The following MRPL42 variants were observed in gnomAD, a reference collection of about 807,000 sequenced individuals.
The protein encoded by MRPL42 is mitochondrial ribosomal protein L42, also known as large ribosomal subunit protein mL42.
A neutral mutation model predicts 17.9 loss-of-function variants in MRPL42; 17 were observed. That is an observed-to-expected ratio of 0.95 (90% CI 0.65 to 1.42). MRPL42 has a LOEUF of 1.42. Ranked by LOEUF, MRPL42 falls within the 40% of genes most tolerant of loss-of-function variation. The pLI is 0.00. For synonymous variants in MRPL42, 59 were observed against 54.4 expected (o/e 1.08, Z -0.37); for missense variants, 177 against 175.2 (o/e 1.01, Z -0.06).
chr12:93,498,164 T>G, intron 5 of MRPL42, among the ~76,000 whole-genome samples: 1 of 11,790 alleles, frequency 8.5e-5, no homozygotes, highest in Non-Finnish European at 1.7e-4. Flanking sequence ...TCCATGAAAG[T>G]CGGGATTTTT....
intron 4 of MRPL42, among the ~76,000 whole-genome samples, chr12:93,484,973 C>T (rs201297390): frequency 0.24 from 5,789 of 23,664 alleles, 1,512 homozygotes; most frequent in Middle Eastern, 0.44. Flanking sequence ...CACACACACA[C>T]ACACACATAT....
rs1592796185 is a variant in MRPL42, at chr12:93,514,923, A to T, written c.*13702A>T. 1 of 152,116 alleles carries T rather than the reference A, an allele frequency of 6.6e-6. No homozygotes were observed. Among genetic ancestry groups the T allele is most frequent in the East Asian group, 1.9e-4 (1 of 5,198 alleles). The allele number at this position is 152,116 out of a possible 1,614,324, so 9.4% of individuals were successfully genotyped here. ...TAATGCATTACATTTTTTAGCAGTC[A>T]TGTCATCCTCTTGATTTGCATTGAG... On this transcript the variant is annotated 3_prime_UTR_variant, in exon 6 of 6. Transcript: ENST00000549982.
chr12:93,476,133 TCAC>T (rs1880161270), intron 2 of MRPL42, among the ~76,000 whole-genome samples: 1 of 152,148 alleles, frequency 6.6e-6, no homozygotes, highest in Admixed American at 6.6e-5. Flanking sequence ...TTTCATCACT[TCAC>T]CACCACCACC....
intron 3 of MRPL42, among the ~76,000 whole-genome samples, chr12:93,478,411 G>A (rs1880285773): frequency 6.6e-6 from 1 of 151,288 alleles, no homozygotes; most frequent in Admixed American, 6.6e-5. Context: ...ACCACACCTG[G>A]CTAATTTTTT....
chr12:93,509,875 C>G lies in MRPL42; in HGVS notation c.*8654C>G, dbSNP rs961749439. The G allele has an allele frequency of 1.3e-5, 2 of 152,132 alleles. No individual in the cohort carries two copies. The highest frequency in any genetic ancestry group is 2.9e-5 in the Non-Finnish European group (2 of 68,030). The allele number at this position is 152,132 out of a possible 1,614,324, so 9.4% of individuals were successfully genotyped here. A position where few individuals can be genotyped will look rare whatever the true frequency, so the allele number is the denominator to read the frequency against. Reference sequence around the variant, plus strand: ...TATATATCCTCAGTGCTCCCCTCCCCCATGCCTCCCTCATCACCATCCCCC... The same window carrying G: ...TATATATCCTCAGTGCTCCCCTCCCGCATGCCTCCCTCATCACCATCCCCC... On this transcript the variant is annotated 3_prime_UTR_variant, in exon 6 of 6. Transcript: ENST00000549982.
intron 4 of MRPL42, among the ~76,000 whole-genome samples, chr12:93,481,355 A>G (rs1395902886): frequency 6.6e-6 from 1 of 152,076 alleles, no homozygotes; most frequent in Non-Finnish European, 1.5e-5. Context: ...ATACTCTTTT[A>G]CCACTGGGTC....
intron 2 of MRPL42, chr12:93,470,541 T>C: frequency 7.7e-7 from 1 of 1,295,002 alleles, no homozygotes; most frequent in East Asian, 5.6e-5. Flanking sequence ...TACTGAGGTT[T>C]GGGCTTCAAC....
intron 5 of MRPL42, among the ~76,000 whole-genome samples, chr12:93,491,747 G>C (rs186059945): frequency 6.6e-6 from 1 of 152,166 alleles, no homozygotes; most frequent in African/African-American, 2.4e-5. Flanking sequence ...CCAATAGGTA[G>C]TTCTTCAGCT....
rs945127290 is a variant in MRPL42 at position 93,467,539 on chromosome 12, G to T, written c.-110G>T. On this transcript the variant is annotated 5_prime_UTR_variant, in exon 1 of 6. Transcript: ENST00000549982. ...ATTGAAACAAGATGGCGGGTTCGTG[G>T]TGAGAAGCCGTCAAGGTAACCGCTT... 2 of 152,820 alleles carry T rather than the reference G, an allele frequency of 1.3e-5. No homozygotes were observed. Among genetic ancestry groups the T allele is most frequent in the Non-Finnish European group, 2.9e-5 (2 of 68,076 alleles). 9.5% of individuals were successfully genotyped at this position (152,820 alleles called of 1,614,324 possible).
At chr12:93,478,368 C>T (rs1473313956) in intron 3 of MRPL42, among the ~76,000 whole-genome samples, 1 of 152,098 alleles carries the variant, frequency 6.6e-6, no homozygotes, top group Non-Finnish European at 1.5e-5. Flanking sequence ...CTGCCTCAGT[C>T]TGCCCAAGTA....
intron 4 of MRPL42, among the ~76,000 whole-genome samples, chr12:93,480,335 G>C (rs1389199397): frequency 6.6e-6 from 1 of 151,952 alleles, no homozygotes; most frequent in Non-Finnish European, 1.5e-5. Flanking sequence ...TGCCCAGGCT[G>C]ATCTCGAACT....
chr12:93,481,949 T>G (rs1592773555), intron 4 of MRPL42, among the ~76,000 whole-genome samples: 1 of 152,208 alleles, frequency 6.6e-6, no homozygotes, highest in South Asian at 2.1e-4. Context: ...TCATCATTCC[T>G]CTGTACACAT....
intron 5 of MRPL42, among the ~76,000 whole-genome samples, chr12:93,490,331 T>A (rs1390805456): frequency 6.6e-6 from 1 of 152,208 alleles, no homozygotes; most frequent in African/African-American, 2.4e-5. Context: ...TCTCCTGATA[T>A]TTTTTCCCAT....
intron 2 of MRPL42, 103 bp from the exon 3 acceptor site, chr12:93,476,851 A>T: frequency 9.3e-7 from 1 of 1,080,042 alleles, no homozygotes; most frequent in South Asian, 1.3e-5. Context: ...CCTGTTTCAT[A>T]CTAAACAGTA....
intron 2 of MRPL42, chr12:93,470,698 A>G (rs1552861): frequency 0.52 from 212,781 of 408,854 alleles, 55,775 homozygotes; most frequent in Non-Finnish European, 0.54. Context: ...TCCTACTTGT[A>G]AGTTAGAACA....
chr12:93,468,072 C>CA (rs1879724414), intron 1 of MRPL42, among the ~76,000 whole-genome samples: 1 of 152,152 alleles, frequency 6.6e-6, no homozygotes. Context: ...ATATACTGAG[C>CA]AAGTAATCGA....
chr12:93,505,359 G>C lies in MRPL42; in HGVS notation c.*4138G>C, dbSNP rs891675655. On this transcript the variant is annotated 3_prime_UTR_variant, in exon 6 of 6. Coordinates refer to ENST00000549982, the MANE Select transcript of MRPL42 (RefSeq NM_014050.4). ...AAGAATACTTTTTCAGTTTCAATGT[G>C]TATTTTTAAAATTTCCAGAAGATGA... 4 of 152,074 alleles carry C rather than the reference G, an allele frequency of 2.6e-5. No individual in the cohort carries two copies. The highest frequency in any genetic ancestry group is 9.7e-5 in the African/African-American group (4 of 41,378). 9.4% of individuals were successfully genotyped at this position (152,074 alleles called of 1,614,324 possible).
Position 93,507,541 on chromosome 12 carries a change from A to T in MRPL42, c.*6320A>T, listed in dbSNP as rs184754974. On this transcript the variant is annotated 3_prime_UTR_variant, in exon 6 of 6. Transcript: ENST00000549982. ...ATCAGTTATCTATTGCCAATTAACA[A>T]ATCACCCCAAAGCTCATTGGCTTAA... is the stretch of plus-strand genomic sequence containing the variant. The T allele has an allele frequency of 6.6e-6, 1 of 152,336 alleles. No homozygotes were observed. The highest frequency in any genetic ancestry group is 2.4e-5 in the African/African-American group (1 of 41,580). The allele number at this position is 152,336 out of a possible 1,614,324, so 9.4% of individuals were successfully genotyped here.
rs1565822009 is a variant in MRPL42 at position 93,505,500 on chromosome 12, T to C, written c.*4279T>C. ...GGAATGCTTCTTCAGATTTTTTTTT[T>C]TCCCCAGAAGTTCAAAATAACTTGC... On this transcript the variant is annotated 3_prime_UTR_variant, in exon 6 of 6. Coordinates refer to ENST00000549982, the MANE Select transcript of MRPL42 (RefSeq NM_014050.4). The C allele has an allele frequency of 1.3e-5, 2 of 151,748 alleles. No homozygotes were observed. The highest frequency in any genetic ancestry group is 2.9e-5 in the Non-Finnish European group (2 of 67,920). The allele number at this position is 151,748 out of a possible 1,614,324, so 9.4% of individuals were successfully genotyped here.
Sources: allele counts gnomAD v4.1 joint callset (sites outside exome capture counted in the v4.1 genomes callset), GRCh38; gene constraint gnomAD v4.1.1; transcripts MANE v1.5; gene names NCBI Gene and HGNC (gene_info 2026-07-23, HGNC 2026-07-21).